CAMK1D: variants seen among roughly 807,000 people sequenced by gnomAD.
CAMK1D encodes calcium/calmodulin-dependent protein kinase type 1D.
CAMK1D carries 9 observed loss-of-function variants against 47.7 expected under a neutral mutation model. The ratio of observed to expected loss-of-function variants is 0.19; its 90% CI spans 0.11 to 0.33. The LOEUF (loss-of-function observed/expected upper bound fraction) is 0.33. Among genes scored for constraint, CAMK1D ranks in the 10% least tolerant of loss-of-function variants. The probability of loss-of-function intolerance (pLI) is 1.00; values close to 1 mark genes in which losing one functional copy is unlikely to be tolerated. For synonymous variants in CAMK1D, 184 were observed against 184.9 expected (o/e 0.99, Z 0.04); for missense variants, 291 against 488.7 (o/e 0.60, Z 3.81).
chr10:12,797,131 T>C (rs1838229392), intron 6 of CAMK1D, among the ~76,000 whole-genome samples: 1 of 151,838 alleles, frequency 6.6e-6, no homozygotes, highest in African/African-American at 2.4e-5. Flanking sequence ...GGCCACCTTC[T>C]CCATAGAAGG....
intron 6 of CAMK1D, among the ~76,000 whole-genome samples, chr10:12,811,839 T>A (rs532272768): frequency 4.6e-5 from 7 of 152,348 alleles, no homozygotes; most frequent in Admixed American, 1.3e-4. Context: ...TTTGCCTGAA[T>A]CCTCATCGTG....
chr10:12,573,831 CTTT>C (rs34038018), intron 2 of CAMK1D, among the ~76,000 whole-genome samples: 9 of 64,090 alleles, frequency 1.4e-4, no homozygotes, highest in African/African-American at 4.9e-4. Context: ...ATTAAAAAAA[CTTT>C]TTTTTTTTTT....
intron 1 of CAMK1D, among the ~76,000 whole-genome samples, chr10:12,453,172 CTT>C (rs1833138456): frequency 6.8e-6 from 1 of 147,022 alleles, no homozygotes; most frequent in African/African-American, 2.5e-5. Context: ...ATGGGTCAGA[CTT>C]TTCTTCTTTT....
chr10:12,829,710 G>A lies in CAMK1D; in HGVS notation c.*823G>A, dbSNP rs1833385912. The A allele has an allele frequency of 6.7e-6, 1 of 148,758 alleles. No homozygotes were observed. Among genetic ancestry groups the A allele is most frequent in the Non-Finnish European group, 1.5e-5 (1 of 67,896 alleles). 9.2% of individuals were successfully genotyped at this position (148,758 alleles called of 1,614,324 possible). A position where few individuals can be genotyped will look rare whatever the true frequency, so the allele number is the denominator to read the frequency against. ...ATCGTGCCACTGCACTCCAGCCTGG[G>A]TGACAGAGCAAGACTCTGTCTCAAA... is the stretch of plus-strand genomic sequence containing the variant. On this transcript the variant is annotated 3_prime_UTR_variant, in exon 11 of 11. Coordinates refer to ENST00000619168, the MANE Select transcript of CAMK1D (RefSeq NM_153498.4).
At chr10:12,739,859 G>A (rs1310963346) in intron 3 of CAMK1D, among the ~76,000 whole-genome samples, 2 of 151,986 alleles carry the variant, frequency 1.3e-5, no homozygotes, top group Non-Finnish European at 2.9e-5. Flanking sequence ...CCTGTAACCT[G>A]GTTGCCTTAT....
At chr10:12,365,313 C>A (rs559879195) in intron 1 of CAMK1D, among the ~76,000 whole-genome samples, 23 of 152,186 alleles carry the variant, frequency 1.5e-4, no homozygotes, top group African/African-American at 4.8e-4. Flanking sequence ...CACCTGCTTA[C>A]GTTATGGACT....
At chr10:12,653,589 C>T (rs1278016199) in intron 2 of CAMK1D, among the ~76,000 whole-genome samples, 1 of 152,192 alleles carries the variant, frequency 6.6e-6, no homozygotes, top group South Asian at 2.1e-4. Context: ...ACACTCAATT[C>T]TGCACCATCA....
chr10:12,692,756 T>A (rs549442775), intron 3 of CAMK1D, among the ~76,000 whole-genome samples: 1 of 152,332 alleles, frequency 6.6e-6, no homozygotes, highest in East Asian at 1.9e-4. Context: ...GGTATTTAAG[T>A]AGGAAAGTCA....
chr10:12,597,293 G>A lies in CAMK1D; in HGVS notation c.224+43937G>A, dbSNP rs549804920. Reference sequence around the variant, plus strand: ...TTGGGGAAGCATCCATCACCCCCTTGGGAACTGAACTCAGCTATAATGTTT... The same window carrying A: ...TTGGGGAAGCATCCATCACCCCCTTAGGAACTGAACTCAGCTATAATGTTT... On this transcript the variant is annotated intron_variant, in intron 2 of 10. Transcript: ENST00000619168. Among the ~76,000 whole-genome samples the A allele has an allele frequency of 4.9e-4, 74 of 152,274 alleles. 1 individual carries two copies. In the South Asian group the frequency reaches 0.015, roughly 31 times the overall value.
At chr10:12,513,771 A>C (rs747680061) in intron 1 of CAMK1D, among the ~76,000 whole-genome samples, 5 of 152,162 alleles carry the variant, frequency 3.3e-5, no homozygotes, top group East Asian at 1.9e-4. Context: ...ACTATACTCC[A>C]TTCTGGGTGA....
At position 12,483,020 on chromosome 10, in the gene CAMK1D, A is replaced by G. The variant is rs373145302; in HGVS notation, c.93-70205A>G. Among the ~76,000 whole-genome samples the G allele has an allele frequency of 3.7e-4, 57 of 152,144 alleles. No homozygotes were observed. In the South Asian group the frequency reaches 0.011, roughly 30 times the overall value. On this transcript the variant is annotated intron_variant, in intron 1 of 10. Transcript: ENST00000619168. Reference sequence around the variant, plus strand: ...CAAAAGAGATAATATGGTTAGAAAAATACTCATTTCTAGATCCCTGTTCCC... The same window carrying G: ...CAAAAGAGATAATATGGTTAGAAAAGTACTCATTTCTAGATCCCTGTTCCC...
chr10:12,469,908 C>T (rs775490631), intron 1 of CAMK1D, among the ~76,000 whole-genome samples: 11 of 151,838 alleles, frequency 7.2e-5, no homozygotes, highest in Non-Finnish European at 1.0e-4. Flanking sequence ...GTTAGGGTAC[C>T]ATTCTTCTTA....
intron 3 of CAMK1D, among the ~76,000 whole-genome samples, chr10:12,709,387 T>G (rs897554140): frequency 6.6e-6 from 1 of 152,098 alleles, no homozygotes; most frequent in East Asian, 1.9e-4. Flanking sequence ...TCCCCACCTC[T>G]TTGCCATTGT....
chr10:12,825,691 G>C lies in CAMK1D; in HGVS notation c.1039+1G>C. ...CTCAGTTTGGCCAGCCAAAAAGACTGTGCGTATGTAGCAAAACCAGAATCC... is the reference window on the plus strand; with the variant it reads ...CTCAGTTTGGCCAGCCAAAAAGACTCTGCGTATGTAGCAAAACCAGAATCC... On this transcript the variant is annotated splice_donor_variant, in intron 10 of 10. Transcript: ENST00000619168. LOFTEE classifies it high-confidence loss of function. 1 of 1,614,252 alleles carries C rather than the reference G, an allele frequency of 6.2e-7. No individual in the cohort carries two copies. The highest frequency in any genetic ancestry group is 8.5e-7 in the Non-Finnish European group (1 of 1,180,042).
chr10:12,569,013 T>C (rs1217526675), intron 2 of CAMK1D, among the ~76,000 whole-genome samples: 1 of 152,182 alleles, frequency 6.6e-6, no homozygotes, highest in Non-Finnish European at 1.5e-5. Flanking sequence ...AGGAGTGTAA[T>C]ATAAACTTCC....
intron 1 of CAMK1D, among the ~76,000 whole-genome samples, chr10:12,389,664 C>T (rs1588432847): frequency 6.6e-6 from 1 of 152,092 alleles, no homozygotes; most frequent in Non-Finnish European, 1.5e-5. Context: ...GGCGACCGTC[C>T]AGTTATTTTG....
intron 6 of CAMK1D, among the ~76,000 whole-genome samples, chr10:12,798,366 C>T (rs553412332): frequency 3.9e-5 from 6 of 152,306 alleles, no homozygotes; most frequent in Admixed American, 3.3e-4. Flanking sequence ...GATGTATCAC[C>T]GGCCTGGCCT....
rs1476695319 is a variant in CAMK1D at position 12,827,446 on chromosome 10, T to C, written c.1040-1323T>C. Among the ~76,000 whole-genome samples the C allele has an allele frequency of 1.4e-3, 180 of 128,428 alleles. 52 individuals carry two copies. Among genetic ancestry groups the C allele is most frequent in the East Asian group, 1.8e-3 (8 of 4,344 alleles). 84.3% of individuals were successfully genotyped at this position (128,428 alleles called of 152,430 possible). A position where few individuals can be genotyped will look rare whatever the true frequency, so the allele number is the denominator to read the frequency against. ...TTCCTTCCTTCCTTCCTTCTTTCTTTCTTTCTTTTCTTTCTTTGTCTGTCT... is the reference window on the plus strand; with the variant it reads ...TTCCTTCCTTCCTTCCTTCTTTCTTCCTTTCTTTTCTTTCTTTGTCTGTCT... On this transcript the variant is annotated intron_variant, in intron 10 of 10. Coordinates refer to ENST00000619168, the MANE Select transcript of CAMK1D (RefSeq NM_153498.4).
intron 1 of CAMK1D, among the ~76,000 whole-genome samples, chr10:12,399,579 T>C (rs1432420081): frequency 2.6e-5 from 4 of 151,830 alleles, no homozygotes; most frequent in Non-Finnish European, 5.9e-5. Flanking sequence ...ATGGCTTAGA[T>C]CTGTTGGGAC....
Sources: allele counts gnomAD v4.1 joint callset (sites outside exome capture counted in the v4.1 genomes callset), GRCh38; gene constraint gnomAD v4.1.1; transcripts MANE v1.5; gene names NCBI Gene and HGNC (gene_info 2026-07-23, HGNC 2026-07-21).